EXTL3: variants seen among roughly 807,000 people sequenced by gnomAD.
The protein encoded by EXTL3 is exostosin like glycosyltransferase 3, also known as exostosin-like 3.
A neutral mutation model predicts 69.3 loss-of-function variants in EXTL3; 27 were observed. The ratio of observed to expected loss-of-function variants is 0.39; its 90% CI spans 0.29 to 0.54. EXTL3 has a LOEUF of 0.54. Ranked by LOEUF, EXTL3 falls within the 20% of genes least tolerant of loss-of-function variation. The probability of loss-of-function intolerance (pLI) is 0.69; values close to 1 mark genes in which losing one functional copy is unlikely to be tolerated. For synonymous variants in EXTL3, 511 were observed against 499.4 expected (o/e 1.02, Z -0.31); for missense variants, 1,003 against 1,231.8 (o/e 0.81, Z 2.78).
chr8:28,748,230 G>A (rs548880051), intron 6 of EXTL3, among the ~76,000 whole-genome samples: 170 of 152,142 alleles, frequency 1.1e-3, no homozygotes, highest in African/African-American at 3.9e-3. Flanking sequence ...AATTAGCCAG[G>A]TGTGGTGGCA....
At chr8:28,741,402 A>G (rs1413882509) in intron 5 of EXTL3, 1 of 152,248 alleles carries the variant, frequency 6.6e-6, no homozygotes, top group Non-Finnish European at 1.5e-5. Flanking sequence ...TTAAAGGGTC[A>G]ATAAATTTGA....
At chr8:28,630,741 G>C (rs1305426659) in intron 1 of EXTL3, among the ~76,000 whole-genome samples, 2 of 152,226 alleles carry the variant, frequency 1.3e-5, no homozygotes, top group African/African-American at 2.4e-5. Context: ...GTAAGACATG[G>C]TGCCTGCCAT....
In EXTL3 at chr8:28,691,572, A is replaced by ATTTTTTTTTTTTTTTTTTTTTTTTTTT. The variant is rs71222571; in HGVS notation, c.-52-21873_-52-21872insTTTTTTTTTTTTTTTTTTTTTTTTTTT. ...TGGTAAATATTTATCAGTTTTTGTG[A>ATTTTTTTTTTTTTTTTTTTTTTTTTTT]TTTTTTTTTTTTGCTATTGTGTTCC... On this transcript the variant is annotated intron_variant, in intron 1 of 6. Transcript: ENST00000523149. Among the ~76,000 whole-genome samples the ATTTTTTTTTTTTTTTTTTTTTTTTTTT allele has an allele frequency of 6.2e-4, 84 of 135,428 alleles. 4 individuals are homozygous for ATTTTTTTTTTTTTTTTTTTTTTTTTTT. Among genetic ancestry groups the ATTTTTTTTTTTTTTTTTTTTTTTTTTT allele is most frequent in the African/African-American group, 2.5e-3 (76 of 30,970 alleles). 88.8% of individuals were successfully genotyped at this position (135,428 alleles called of 152,430 possible).
At chr8:28,608,514 A>T (rs1806233093) in intron 2 of EXTL3, among the ~76,000 whole-genome samples, 1 of 152,116 alleles carries the variant, frequency 6.6e-6, no homozygotes, top group Non-Finnish European at 1.5e-5. Flanking sequence ...CATTGATAAG[A>T]TCTCTGCTGT....
chr8:28,741,800 T>C (rs1801786296), intron 5 of EXTL3: 1 of 152,234 alleles, frequency 6.6e-6, no homozygotes, highest in Admixed American at 6.5e-5. Flanking sequence ...ATTCATTTTT[T>C]TAAGTTCACC....
Position 28,654,756 on chromosome 8 carries a change from A to G in EXTL3, c.-53+31946A>G, listed in dbSNP as rs192789971. Among the ~76,000 whole-genome samples, 278 of 152,280 alleles carry G rather than the reference A, an allele frequency of 1.8e-3. 1 individual carries two copies. The highest frequency in any genetic ancestry group is 6.4e-3 in the African/African-American group (266 of 41,558). On this transcript the variant is annotated intron_variant, in intron 1 of 6. Transcript: ENST00000523149. ...TAGATGTTTGACTTTCTGGAGCCCC[A>G]TCTTCTTTTTCATACCCCAATTTTG...
intron 1 of EXTL3, among the ~76,000 whole-genome samples, chr8:28,711,888 A>G (rs774712001): frequency 1.3e-5 from 2 of 152,156 alleles, no homozygotes; most frequent in Non-Finnish European, 2.9e-5. Flanking sequence ...AGGATGAGGA[A>G]GTGATCAGTG....
upstream of EXTL3, chr8:28,696,866 T>C (rs1168632323): frequency 2.0e-5 from 3 of 152,196 alleles, no homozygotes; most frequent in African/African-American, 2.4e-5. Flanking sequence ...TGGTATATTT[T>C]ATATTTTATC....
chr8:28,728,712 C>T (rs1021562756), intron 3 of EXTL3, among the ~76,000 whole-genome samples: 11 of 151,968 alleles, frequency 7.2e-5, no homozygotes, highest in African/African-American at 2.4e-4. Context: ...ATAGCCAGAA[C>T]GTGTCTCTAC....
chr8:28,634,784 C>T (rs532268422), intron 1 of EXTL3, among the ~76,000 whole-genome samples: 8 of 151,882 alleles, frequency 5.3e-5, no homozygotes, highest in Non-Finnish European at 8.8e-5. Flanking sequence ...TTAGTAGAGA[C>T]GGGTTTTGCC....
At chr8:28,695,129 ATTTT>A (rs528077170) in intron 1 of EXTL3, among the ~76,000 whole-genome samples, 2 of 137,914 alleles carry the variant, frequency 1.5e-5, no homozygotes, top group African/African-American at 2.7e-5. Context: ...GTAAATGAGG[ATTTT>A]TTTTTTTTTT....
Position 28,750,716 on chromosome 8 carries a change from C to T in EXTL3, c.2610C>T (p.Asp870=), listed in dbSNP as rs17059347. The change falls in exon 7 of 7, where the codon GAC becomes GAT. Residue 870 remains aspartate, a synonymous_variant. Transcript: ENST00000220562. The surrounding 1 kb of genome is among the most constrained non-coding windows in gnomAD (Gnocchi z 5.2). ...PGCPQALSHD[D]SHFHERHKCI... ...GCCCTCAGGCCCTGTCTCATGATGA[C>T]TCCCACTTCCACGAGCGGCACAAGT... 3,010 of 1,614,196 alleles carry T rather than the reference C, an allele frequency of 1.9e-3. 53 individuals are homozygous for T. In the African/African-American group the frequency reaches 0.036, roughly 19 times the overall value.
At chr8:28,624,001 C>T (rs1426055270) in intron 1 of EXTL3, among the ~76,000 whole-genome samples, 3 of 152,150 alleles carry the variant, frequency 2.0e-5, no homozygotes, top group Non-Finnish European at 4.4e-5. Flanking sequence ...GACAGTCATA[C>T]CTGTTGACTT....
At chr8:28,742,313 T>C (rs1801796880) in intron 5 of EXTL3, 1 of 152,224 alleles carries the variant, frequency 6.6e-6, no homozygotes, top group Non-Finnish European at 1.5e-5. Flanking sequence ...GACAACATTC[T>C]GAAAATGTAG....
At chr8:28,610,878 G>A (rs1806263569) in intron 2 of EXTL3, among the ~76,000 whole-genome samples, 1 of 151,986 alleles carries the variant, frequency 6.6e-6, no homozygotes, top group Non-Finnish European at 1.5e-5. Flanking sequence ...AAGTAGCTGG[G>A]ATTACAGGCG....
At chr8:28,621,654 A>G (rs1243623777), upstream of EXTL3, among the ~76,000 whole-genome samples, 2 of 152,234 alleles carry the variant, frequency 1.3e-5, no homozygotes, top group Non-Finnish European at 2.9e-5. Context: ...ATTATTACTT[A>G]CAGTGAGGGA....
intron 6 of EXTL3, among the ~76,000 whole-genome samples, chr8:28,746,609 T>G (rs1398499478): frequency 6.6e-6 from 1 of 152,230 alleles, no homozygotes; most frequent in Non-Finnish European, 1.5e-5. Context: ...CTTTTTAAAT[T>G]TTTTGCATGT....
chr8:28,620,548 A>T (rs1021825932), upstream of EXTL3, among the ~76,000 whole-genome samples: 1 of 152,204 alleles, frequency 6.6e-6, no homozygotes, highest in African/African-American at 2.4e-5. Context: ...TTTGGACCGG[A>T]ATCCAGGCAC....
chr8:28,650,193 C>T (rs1356250990), intron 1 of EXTL3, among the ~76,000 whole-genome samples: 2 of 127,492 alleles, frequency 1.6e-5, no homozygotes, highest in Non-Finnish European at 3.2e-5. Flanking sequence ...GAGACTCTGT[C>T]TCAGGAAAAA....
Sources: allele counts gnomAD v4.1 joint callset (sites outside exome capture counted in the v4.1 genomes callset), GRCh38; gene constraint gnomAD v4.1.1; non-coding constraint Gnocchi (gnomAD v3.1); transcripts MANE v1.5; gene names NCBI Gene and HGNC (gene_info 2026-07-23, HGNC 2026-07-21).